FHIT: variants seen among roughly 807,000 people sequenced by gnomAD.
FHIT encodes the protein fragile histidine triad diadenosine triphosphatase, also known as bis(5'-adenosyl)-triphosphatase.
In FHIT, 19 loss-of-function variants were observed where a neutral mutation model predicts 17.9. That is an observed-to-expected ratio of 1.06 (90% CI 0.74 to 1.56). FHIT has a LOEUF of 1.56. FHIT is among the 40% of genes most tolerant of loss of function. The pLI is 0.00. For missense variants in FHIT, 248 were observed against 189.2 expected (o/e 1.31, Z -1.82); for synonymous variants, 81 against 69.7 (o/e 1.16, Z -0.81).
At chr3:60,501,698 T>A (rs1372595708) in intron 5 of FHIT, among the ~76,000 whole-genome samples, 1 of 152,222 alleles carries the variant, frequency 6.6e-6, no homozygotes, top group African/African-American at 2.4e-5. Flanking sequence ...TTTAGAAATC[T>A]GTTATTTTAG....
chr3:60,783,619 A>T (rs1328370192), intron 4 of FHIT, among the ~76,000 whole-genome samples: 1 of 152,142 alleles, frequency 6.6e-6, no homozygotes, highest in Non-Finnish European at 1.5e-5. Flanking sequence ...TTTAAGGAAA[A>T]AGCCCTATAT....
intron 5 of FHIT, among the ~76,000 whole-genome samples, chr3:60,202,705 C>T (rs988480800): frequency 1.3e-5 from 2 of 152,098 alleles, no homozygotes; most frequent in African/African-American, 4.8e-5. Flanking sequence ...TACCAGCCAG[C>T]CTAAAAGTAC....
chr3:60,190,789 A>C (rs74873674), intron 5 of FHIT, among the ~76,000 whole-genome samples: 2,115 of 152,226 alleles, frequency 0.014, 43 homozygotes, highest in African/African-American at 0.049. Context: ...AAAAAAATAC[A>C]AAAATTAGCT....
chr3:61,101,442 G>A (rs555324552), intron 2 of FHIT, among the ~76,000 whole-genome samples: 19 of 152,194 alleles, frequency 1.2e-4, no homozygotes, highest in African/African-American at 3.9e-4. Context: ...TGCCAGTACC[G>A]TGATGTTTTG....
At chr3:60,810,400 T>C (rs1186920307) in intron 4 of FHIT, among the ~76,000 whole-genome samples, 2 of 152,154 alleles carry the variant, frequency 1.3e-5, no homozygotes, top group Admixed American at 6.5e-5. Flanking sequence ...CTCTTTCCCA[T>C]AGGAGCGACA....
chr3:60,851,668 C>T (rs1703158450), intron 3 of FHIT, among the ~76,000 whole-genome samples: 1 of 152,088 alleles, frequency 6.6e-6, no homozygotes, highest in Non-Finnish European at 1.5e-5. Flanking sequence ...TCTCAAAAAA[C>T]AAAAGATGCC....
intron 5 of FHIT, among the ~76,000 whole-genome samples, chr3:60,469,954 C>T (rs1258071524): frequency 6.6e-6 from 1 of 152,000 alleles, no homozygotes; most frequent in Non-Finnish European, 1.5e-5. Flanking sequence ...GAAGAATTCC[C>T]TGGATTACCA....
At chr3:59,893,960 T>A (rs1023342631) in intron 8 of FHIT, among the ~76,000 whole-genome samples, 1 of 139,544 alleles carries the variant, frequency 7.2e-6, no homozygotes, top group African/African-American at 2.9e-5. Flanking sequence ...CAGTTTGGCA[T>A]AGAGATTAAG....
intron 2 of FHIT, among the ~76,000 whole-genome samples, chr3:61,152,926 A>T (rs1034363893): frequency 3.3e-5 from 5 of 151,910 alleles, no homozygotes; most frequent in Non-Finnish European, 5.9e-5. Context: ...GGAGGATCAC[A>T]AGATCAGGAG....
intron 2 of FHIT, among the ~76,000 whole-genome samples, chr3:61,126,173 A>T (rs1369167606): frequency 2.0e-5 from 3 of 152,098 alleles, no homozygotes; most frequent in Non-Finnish European, 4.4e-5. Context: ...TTTCAGTCAA[A>T]TATTTATCAG....
intron 5 of FHIT, among the ~76,000 whole-genome samples, chr3:60,313,353 G>T (rs138972488): frequency 6.6e-6 from 1 of 152,156 alleles, no homozygotes; most frequent in African/African-American, 2.4e-5. Flanking sequence ...TCAAGCAACC[G>T]CATTTATATT....
intron 8 of FHIT, among the ~76,000 whole-genome samples, chr3:59,855,971 C>T (rs953843470): frequency 4.6e-5 from 7 of 151,736 alleles, no homozygotes; most frequent in Non-Finnish European, 7.4e-5. Context: ...TTAGTAGAGA[C>T]GTGGTTTCAC....
intron 2 of FHIT, among the ~76,000 whole-genome samples, chr3:61,072,008 C>T (rs2034824379): frequency 2.0e-5 from 3 of 152,098 alleles, no homozygotes; most frequent in Admixed American, 2.0e-4. Flanking sequence ...ATAGTCCCAC[C>T]CCTCATGCCC....
intron 5 of FHIT, among the ~76,000 whole-genome samples, chr3:60,099,122 A>G (rs1392512026): frequency 1.3e-5 from 2 of 152,144 alleles, no homozygotes; most frequent in East Asian, 3.9e-4. Context: ...CTCCAGCCAA[A>G]GAGTAATCAT....
chr3:60,618,279 T>G (rs1264375232), intron 4 of FHIT, among the ~76,000 whole-genome samples: 3 of 152,158 alleles, frequency 2.0e-5, no homozygotes, highest in Non-Finnish European at 4.4e-5. Context: ...TAGCTACCTA[T>G]TTTCCAGTTT....
intron 5 of FHIT, among the ~76,000 whole-genome samples, chr3:60,450,306 T>A (rs1017360720): frequency 5.3e-5 from 8 of 152,122 alleles, no homozygotes. Context: ...TATAATCTTA[T>A]GGGGCCACTG....
intron 8 of FHIT, among the ~76,000 whole-genome samples, chr3:59,770,707 T>TAATA (rs1702036361): frequency 6.6e-6 from 1 of 152,176 alleles, no homozygotes; most frequent in African/African-American, 2.4e-5. Flanking sequence ...CCTAGCCCTC[T>TAATA]AATACATATA....
At chr3:60,104,644 C>T (rs1343484783) in intron 5 of FHIT, among the ~76,000 whole-genome samples, 1 of 151,794 alleles carries the variant, frequency 6.6e-6, no homozygotes, top group Non-Finnish European at 1.5e-5. Flanking sequence ...AACAATGAAA[C>T]AAAGCAAAAT....
chr3:60,100,665 T>C lies in FHIT; in HGVS notation c.104-86513A>G, dbSNP rs570725578. On this transcript the variant is annotated intron_variant, in intron 5 of 9. Transcript: ENST00000492590. ...TCACTGGGATTGCTCTGTCATGGGG[T>C]AGAAGGGGCTCGAGGACAAAGTTTA... Among the ~76,000 whole-genome samples the C allele has an allele frequency of 1.4e-3, 215 of 152,192 alleles. 1 individual carries two copies. Among genetic ancestry groups the C allele is most frequent in the Middle Eastern group, 3.4e-3 (1 of 294 alleles).
Sources: gnomAD v4.1 joint callset for allele counts (sites outside exome capture counted in the v4.1 genomes callset) on GRCh38, gnomAD v4.1.1 for gene constraint, MANE v1.5 for transcripts, NCBI Gene and HGNC (gene_info 2026-07-23, HGNC 2026-07-21) for gene names.